Variants in SERPINE2 observed in about 807,000 individuals in gnomAD.
SERPINE2 encodes glia-derived nexin.
SERPINE2 carries 14 observed loss-of-function variants against 36.3 expected under a neutral mutation model. That is an observed-to-expected ratio of 0.39 (90% CI 0.25 to 0.60). The LOEUF is 0.60. Among genes scored for constraint, SERPINE2 ranks in the 20% least tolerant of loss-of-function variants. The pLI, the probability that SERPINE2 is intolerant of heterozygous loss-of-function variation, is 0.57. For missense variants in SERPINE2, 418 were observed against 499.6 expected (o/e 0.84, Z 1.56); for synonymous variants, 192 against 191.8 (o/e 1.00, Z -0.01).
rs1224659109 is a variant in SERPINE2, at chr2:224,017,217, C to G, written c.-22-15295G>C. On this transcript the variant is annotated intron_variant, in intron 1 of 8. Coordinates refer to ENST00000409304, the MANE Select transcript of SERPINE2 (RefSeq NM_001136528.2). Reference sequence around the variant, plus strand: ...GTACTACAGTTATGCAAGATAATGCCTTTGCAGGAAACCAGGTAAAGGGTA... The same window carrying G: ...GTACTACAGTTATGCAAGATAATGCGTTTGCAGGAAACCAGGTAAAGGGTA... Among the ~76,000 whole-genome samples the G allele has an allele frequency of 4.0e-5, 6 of 151,782 alleles. No individual in the cohort carries two copies. The South Asian group carries it at 1.2e-3, about 32-fold the overall frequency.
At chr2:224,027,455 A>T (rs1692223527) in intron 1 of SERPINE2, among the ~76,000 whole-genome samples, 1 of 152,128 alleles carries the variant, frequency 6.6e-6, no homozygotes, top group East Asian at 1.9e-4. Context: ...CTTCCCCAAC[A>T]GTTCAGTCCA....
At chr2:224,018,985 C>G (rs1403541594) in intron 1 of SERPINE2, among the ~76,000 whole-genome samples, 1 of 152,176 alleles carries the variant, frequency 6.6e-6, no homozygotes, top group East Asian at 1.9e-4. Flanking sequence ...GATGACTTCT[C>G]CATGCTCTTG....
Position 223,984,018 on chromosome 2 carries a change from C to T in SERPINE2, c.884+734G>A, listed in dbSNP as rs143511322. On this transcript the variant is annotated intron_variant, in intron 5 of 8. Transcript: ENST00000409304. ...AGTAATACTTATTGTGAATGTCTTACTCTGATTACTTAACTCGGTGACCAA... is the reference window on the plus strand; with the variant it reads ...AGTAATACTTATTGTGAATGTCTTATTCTGATTACTTAACTCGGTGACCAA... Among the ~76,000 whole-genome samples the T allele has an allele frequency of 8.2e-3, 1,235 of 151,300 alleles. 11 individuals carry two copies. The highest frequency in any genetic ancestry group is 0.013 in the Non-Finnish European group (906 of 67,870).
intron 1 of SERPINE2, chr2:224,030,924 T>A: frequency 5.1e-6 from 5 of 981,216 alleles, no homozygotes; most frequent in Non-Finnish European, 6.1e-6. Flanking sequence ...AAAACAAGTG[T>A]CTGAGGAAGG....
intron 1 of SERPINE2, among the ~76,000 whole-genome samples, chr2:224,011,032 T>C (rs1246512972): frequency 2.0e-5 from 3 of 152,168 alleles, no homozygotes; most frequent in Non-Finnish European, 2.9e-5. Flanking sequence ...GGTCCATTAC[T>C]GTGGGAATGG....
At chr2:223,999,334 G>A (rs954275705) in intron 2 of SERPINE2, among the ~76,000 whole-genome samples, 1 of 152,186 alleles carries the variant, frequency 6.6e-6, no homozygotes, top group Admixed American at 6.5e-5. Context: ...TTTCTAAAGA[G>A]AGCTCAAATT....
intron 1 of SERPINE2, among the ~76,000 whole-genome samples, chr2:224,026,802 T>C (rs748773735): frequency 1.3e-5 from 2 of 152,202 alleles, no homozygotes; most frequent in African/African-American, 4.8e-5. Context: ...CTTGCTGTCA[T>C]AGATATTTAA....
intron 1 of SERPINE2, chr2:224,030,138 G>A: frequency 9.1e-6 from 9 of 985,430 alleles, no homozygotes; most frequent in South Asian, 4.7e-5. Context: ...TGCAAGGGTG[G>A]AGTCAGAAGG....
At chr2:224,016,118 A>G (rs1691790513) in intron 1 of SERPINE2, among the ~76,000 whole-genome samples, 1 of 152,236 alleles carries the variant, frequency 6.6e-6, no homozygotes, top group African/African-American at 2.4e-5. Flanking sequence ...AATACTAGTG[A>G]CAACACCAAT....
At chr2:223,981,602 A>C (rs1690229094) in intron 6 of SERPINE2, 1 of 152,208 alleles carries the variant, frequency 6.6e-6, no homozygotes, top group Admixed American at 6.5e-5. Flanking sequence ...ACTAGCATGC[A>C]ACTGAAGCTG....
At chr2:224,026,922 C>T (rs1040619695) in intron 1 of SERPINE2, among the ~76,000 whole-genome samples, 6 of 152,224 alleles carry the variant, frequency 3.9e-5, no homozygotes, top group South Asian at 2.1e-4. Flanking sequence ...ATAAAGAGCA[C>T]GTCAGAGACT....
chr2:223,997,241 G>A (rs1690925910), intron 3 of SERPINE2, among the ~76,000 whole-genome samples: 1 of 151,908 alleles, frequency 6.6e-6, no homozygotes, highest in Non-Finnish European at 1.5e-5. Context: ...TGTTGTTTTA[G>A]ACACAGTCTC....
chr2:224,029,034 A>C (rs1574851118), intron 1 of SERPINE2, among the ~76,000 whole-genome samples: 2 of 152,248 alleles, frequency 1.3e-5, no homozygotes, highest in African/African-American at 2.4e-5. Context: ...AATTCAAATT[A>C]GTATGATCAG....
chr2:224,021,144 T>C (rs921781927), intron 1 of SERPINE2, among the ~76,000 whole-genome samples: 2 of 152,190 alleles, frequency 1.3e-5, no homozygotes, highest in African/African-American at 4.8e-5. Flanking sequence ...TCATAAGTGC[T>C]CATAGCTGTT....
intron 3 of SERPINE2, among the ~76,000 whole-genome samples, chr2:223,997,341 C>A (rs1470892549): frequency 2.6e-5 from 4 of 152,156 alleles, no homozygotes; most frequent in African/African-American, 7.2e-5. Flanking sequence ...CTGCCTCAGC[C>A]TCCCAAGTAG....
chr2:224,002,744 G>A (rs547030707), intron 1 of SERPINE2, among the ~76,000 whole-genome samples: 153 of 147,458 alleles, frequency 1.0e-3, no homozygotes, highest in African/African-American at 3.6e-3. Context: ...CAAGTGATCC[G>A]GCCTCCCAAA....
chr2:224,016,197 G>A (rs116008011), intron 1 of SERPINE2, among the ~76,000 whole-genome samples: 2,994 of 152,248 alleles, frequency 0.02, 44 homozygotes, highest in Non-Finnish European at 0.027. Context: ...TGGCACAGCC[G>A]CTCTAGAAAA....
In SERPINE2 at chr2:223,998,218, T is replaced by C. The variant is rs1312856123; in HGVS notation, c.384A>G (p.Thr128=). Residue 128 remains threonine (T), a synonymous_variant, in exon 3 of 9, where the codon ACA becomes ACG. Coordinates refer to ENST00000409304, the MANE Select transcript of SERPINE2 (RefSeq NM_001136528.2). ...NASEIEVPFV[T]RNKDVFQCEV... is the part of the protein sequence containing the mutation. Reference sequence around the variant, plus strand: ...CACACTGGAACACATCTTTGTTCCTTGTAACAAAAGGCACTTCAATTTCAG... The same window carrying C: ...CACACTGGAACACATCTTTGTTCCTCGTAACAAAAGGCACTTCAATTTCAG... 2 of 1,614,102 alleles carry C rather than the reference T, an allele frequency of 1.2e-6. No individual in the cohort carries two copies. The highest frequency in any genetic ancestry group is 1.7e-6 in the Non-Finnish European group (2 of 1,179,914).
At chr2:223,992,125 A>T in intron 3 of SERPINE2, 125 bp from the exon 4 acceptor site, 1 of 787,226 alleles carries the variant, frequency 1.3e-6, no homozygotes, top group South Asian at 1.6e-5. Context: ...GTTAAAGAGA[A>T]TCTTCTTAAA....
Sources: gnomAD v4.1 joint callset for allele counts (sites outside exome capture counted in the v4.1 genomes callset) on GRCh38, gnomAD v4.1.1 for gene constraint, MANE v1.5 for transcripts, NCBI Gene and HGNC (gene_info 2026-07-23, HGNC 2026-07-21) for gene names.